TG: variants seen among roughly 807,000 people sequenced by gnomAD.
TG encodes thyroid hormones.
Under a neutral mutation model 324.7 loss-of-function variants are expected in TG, and 270 were observed. That is an observed-to-expected ratio of 0.83 (90% CI 0.75 to 0.92). TG has a LOEUF of 0.92. Ranked by LOEUF, TG falls within the 40% of genes least tolerant of loss-of-function variation. TG has a pLI of 0.00. For missense variants in TG, 3,591 were observed against 3,456.4 expected, an observed-to-expected ratio of 1.04 and a Z score of -0.98; for synonymous variants, 1,401 against 1,327.0, an observed-to-expected ratio of 1.06 and a Z score of -1.21.
intron 35 of TG, among the ~76,000 whole-genome samples, chr8:133,004,040 T>A (rs1163796548): frequency 6.6e-6 from 1 of 152,240 alleles, no homozygotes; most frequent in African/African-American, 2.4e-5. Context: ...ACCTGCTAAA[T>A]AGATAGTAGC....
At chr8:132,998,675 G>C (rs567555509) in intron 35 of TG, among the ~76,000 whole-genome samples, 4 of 152,222 alleles carry the variant, frequency 2.6e-5, no homozygotes, top group African/African-American at 9.6e-5. Flanking sequence ...TGGCGTGAGT[G>C]GGCTAAAGTG....
At chr8:132,923,228 GAGTT>G in intron 21 of TG, 106 bp from the exon 22 acceptor site, 2 of 1,207,104 alleles carry the variant, frequency 1.7e-6, no homozygotes, top group Non-Finnish European at 2.4e-6. Context: ...TGGAATGTCT[GAGTT>G]AGATGTGTGA....
intron 26 of TG, among the ~76,000 whole-genome samples, chr8:132,941,775 G>T (rs1824481647): frequency 6.6e-6 from 1 of 152,216 alleles, no homozygotes; most frequent in Non-Finnish European, 1.5e-5. Flanking sequence ...CCTTTCTGCT[G>T]TCTTTACGGG....
chr8:133,098,764 G>T (rs1848817677), intron 43 of TG, among the ~76,000 whole-genome samples: 1 of 152,168 alleles, frequency 6.6e-6, no homozygotes, highest in African/African-American at 2.4e-5. Flanking sequence ...AGGGTGAGGG[G>T]GTTGTTCTTG....
intron 41 of TG, chr8:133,038,756 G>C (rs766251778): frequency 1.5e-5 from 23 of 1,582,854 alleles, no homozygotes; most frequent in Non-Finnish European, 2.0e-5. Flanking sequence ...CAGAAGAAAA[G>C]GCAGTAGAGA....
At chr8:133,107,517 C>T (rs879736609) in intron 43 of TG, among the ~76,000 whole-genome samples, 6 of 152,168 alleles carry the variant, frequency 3.9e-5, no homozygotes, top group African/African-American at 9.7e-5. Flanking sequence ...CCCCCACTCC[C>T]GCCTGCTGAC....
chr8:133,062,427 C>T (rs1302231383), intron 41 of TG, among the ~76,000 whole-genome samples: 3 of 152,256 alleles, frequency 2.0e-5, no homozygotes, highest in Non-Finnish European at 4.4e-5. Context: ...TGGCGTGACT[C>T]CAACCCACAT....
At position 133,116,717 on chromosome 8, in the gene TG, G is replaced by A. The variant is rs770891687; in HGVS notation, c.7862+1G>A. 1 of 1,613,448 alleles carries A rather than the reference G, an allele frequency of 6.2e-7. No individual in the cohort carries two copies. The highest frequency in any genetic ancestry group is 2.2e-5 in the East Asian group (1 of 44,882). ...CTCCTGAAAACTACGGCCATGGCAG[G>A]TAAGACGCTGCAGGGAAGCAGAGAA... On this transcript the variant is annotated splice_donor_variant, in intron 45 of 47. Transcript: ENST00000220616. LOFTEE classifies it high-confidence loss of function.
rs1422663728 is a variant in TG at position 133,132,064 on chromosome 8, A to G, written c.7997+118A>G. The G allele has an allele frequency of 1.1e-5, 17 of 1,483,420 alleles. No homozygotes were observed. In the South Asian group the frequency reaches 1.5e-4, roughly 13 times the overall value. The allele number at this position is 1,483,420 out of a possible 1,614,324, so 91.9% of individuals were successfully genotyped here. A position where few individuals can be genotyped will look rare whatever the true frequency, so the allele number is the denominator to read the frequency against. ...ACTCATCCTTTCCTCCGTAGACACT[A>G]TAATCACCAGCCACTGGCCTCCCTG... On this transcript the variant is annotated intron_variant, in intron 46 of 47. Coordinates refer to ENST00000220616, the MANE Select transcript of TG (RefSeq NM_003235.5).
intron 41 of TG, among the ~76,000 whole-genome samples, chr8:133,088,229 G>C (rs1390316428): frequency 1.3e-5 from 2 of 151,828 alleles, no homozygotes; most frequent in Non-Finnish European, 2.9e-5. Context: ...TGGCATTCCT[G>C]TGATGGAGGA....
At position 133,022,168 on chromosome 8, in the gene TG, G is replaced by T. The variant is rs769264489; in HGVS notation, c.7036+18G>T. ...GAGTTCTGGTGAGTTGCTGCCTCTGGTGGGAGCTGCTGACCCCCTGAGCCA... is the reference window on the plus strand; with the variant it reads ...GAGTTCTGGTGAGTTGCTGCCTCTGTTGGGAGCTGCTGACCCCCTGAGCCA... On this transcript the variant is annotated intron_variant, in intron 40 of 47. Coordinates refer to ENST00000220616, the MANE Select transcript of TG (RefSeq NM_003235.5). 5.1e-5 allele frequency: 83 copies of T among 1,613,682 alleles called. No homozygotes were observed. The highest frequency in any genetic ancestry group is 1.3e-5 in the Non-Finnish European group (15 of 1,179,926).
chr8:133,061,205 T>G (rs574126042), intron 41 of TG, among the ~76,000 whole-genome samples: 138 of 152,324 alleles, frequency 9.1e-4, no homozygotes, highest in Non-Finnish European at 1.7e-3. Flanking sequence ...AGATGGGGTT[T>G]CACCATGTTG....
intron 40 of TG, among the ~76,000 whole-genome samples, chr8:133,029,550 A>G (rs1836424429): frequency 6.6e-6 from 1 of 152,164 alleles, no homozygotes; most frequent in Non-Finnish European, 1.5e-5. Flanking sequence ...TAAGGACATG[A>G]TCAAGGTCTC....
At chr8:132,939,851 A>G (rs184109155) in intron 25 of TG, among the ~76,000 whole-genome samples, 164 of 151,916 alleles carry the variant, frequency 1.1e-3, no homozygotes, top group Admixed American at 4.6e-3. Flanking sequence ...TAATTTTTGT[A>G]TTGTTAGTAG....
intron 27 of TG, among the ~76,000 whole-genome samples, chr8:132,957,406 G>A (rs1185999761): frequency 1.3e-5 from 2 of 152,158 alleles, no homozygotes; most frequent in African/African-American, 4.8e-5. Context: ...TCCTATCACA[G>A]TTCAGTACAT....
At chr8:132,879,828 A>G (rs190581663) in intron 5 of TG, among the ~76,000 whole-genome samples, 1 of 152,364 alleles carries the variant, frequency 6.6e-6, no homozygotes, top group East Asian at 1.9e-4. Context: ...AGAAACCCCC[A>G]GAGAGGGGCT....
At chr8:133,131,246 CATT>C (rs1432812141) in intron 45 of TG, among the ~76,000 whole-genome samples, 1 of 152,212 alleles carries the variant, frequency 6.6e-6, no homozygotes, top group Non-Finnish European at 1.5e-5. Flanking sequence ...GCTTCCAAGT[CATT>C]ATTCCCACCA....
At chr8:132,974,202 C>A (rs1490196141) in intron 34 of TG, among the ~76,000 whole-genome samples, 1 of 152,076 alleles carries the variant, frequency 6.6e-6, no homozygotes, top group Non-Finnish European at 1.5e-5. Context: ...CCATGTTAGC[C>A]AGGGTGGCCT....
intron 16 of TG, 31 bp from the exon 17 acceptor site, chr8:132,906,657 G>A (rs1343557985): frequency 1.9e-6 from 3 of 1,612,458 alleles, no homozygotes; most frequent in East Asian, 2.2e-5. Context: ...CTGGGCAGGT[G>A]CCCACCACGG....
Sources: allele counts gnomAD v4.1 joint callset (sites outside exome capture counted in the v4.1 genomes callset), GRCh38; gene constraint gnomAD v4.1.1; transcripts MANE v1.5; gene names NCBI Gene and HGNC (gene_info 2026-07-23, HGNC 2026-07-21).